Variants in PDE2A observed in about 807,000 individuals in gnomAD.
PDE2A encodes cGMP-dependent 3',5'-cyclic phosphodiesterase.
PDE2A carries 53 observed loss-of-function variants against 133.6 expected under a neutral mutation model. That is an observed-to-expected ratio of 0.40 (90% CI 0.32 to 0.50). The LOEUF (loss-of-function observed/expected upper bound fraction) is 0.50, where lower values mean the gene tolerates loss of function less well. PDE2A is among the 20% of genes least tolerant of loss of function. PDE2A has a pLI of 0.73. For missense variants in PDE2A, 796 were observed against 1,232.4 expected (o/e 0.65, Z 5.30); for synonymous variants, 491 against 490.2 (o/e 1.00, Z -0.02).
intron 1 of PDE2A, among the ~76,000 whole-genome samples, chr11:72,664,363 G>GTTTTTTTTT (rs1565198393): frequency 7.6e-5 from 7 of 92,324 alleles, no homozygotes; most frequent in African/African-American, 1.3e-4. Flanking sequence ...CCCCTTGAAG[G>GTTTTTTTTT]ATTTTTTTTT....
At chr11:72,654,291 C>T (rs889074424) in intron 1 of PDE2A, among the ~76,000 whole-genome samples, 3 of 152,152 alleles carry the variant, frequency 2.0e-5, no homozygotes, top group African/African-American at 4.8e-5. Context: ...AGGCACTTGA[C>T]GGGCAACATC....
intron 2 of PDE2A, among the ~76,000 whole-genome samples, chr11:72,626,652 G>A (rs1026000123): frequency 1.3e-5 from 2 of 152,076 alleles, no homozygotes; most frequent in Non-Finnish European, 2.9e-5. Context: ...CCACACTCTC[G>A]CACAAGCTGC....
At chr11:72,664,363 G>GCTTTTTTT (rs1565198393) in intron 1 of PDE2A, among the ~76,000 whole-genome samples, 1 of 92,336 alleles carries the variant, frequency 1.1e-5, no homozygotes, top group Non-Finnish European at 2.2e-5. Context: ...CCCCTTGAAG[G>GCTTTTTTT]ATTTTTTTTT....
rs566999916 is a variant in PDE2A, at chr11:72,582,655, G to A, written c.1729-89C>T. ...AATTCCCATGGCAGGTGGGGGATCC[G>A]TCACCCAGAATGTACCACAGTTGGG... is the stretch of plus-strand genomic sequence containing the variant. On this transcript the variant is annotated intron_variant, in intron 20 of 30. Coordinates refer to ENST00000334456, the MANE Select transcript of PDE2A (RefSeq NM_002599.5). 992 of 1,330,334 alleles carry A rather than the reference G, an allele frequency of 7.5e-4. 2 individuals carry two copies. The highest frequency in any genetic ancestry group is 9.3e-4 in the Non-Finnish European group (897 of 961,700). The allele number at this position is 1,330,334 out of a possible 1,614,324, so 82.4% of individuals were successfully genotyped here. A position where few individuals can be genotyped will look rare whatever the true frequency, so the allele number is the denominator to read the frequency against.
chr11:72,665,510 C>T (rs566025579), intron 1 of PDE2A, among the ~76,000 whole-genome samples: 9 of 152,240 alleles, frequency 5.9e-5, no homozygotes, highest in Non-Finnish European at 1.0e-4. Flanking sequence ...AACCTTGCAC[C>T]TTCCACTGCC....
intron 2 of PDE2A, among the ~76,000 whole-genome samples, chr11:72,626,237 A>C (rs1393345305): frequency 6.6e-6 from 1 of 152,212 alleles, no homozygotes; most frequent in Non-Finnish European, 1.5e-5. Context: ...CTCTTTACTC[A>C]GTCAGCCAGG....
At position 72,631,172 on chromosome 11, in the gene PDE2A, G is replaced by A. The variant is rs768673310; in HGVS notation, c.144+11082C>T. The A allele has an allele frequency of 2.9e-5, 43 of 1,504,464 alleles. No individual in the cohort carries two copies. The Middle Eastern group carries it at 5.2e-4, about 18-fold the overall frequency. 93.2% of individuals were successfully genotyped at this position (1,504,464 alleles called of 1,614,324 possible). On this transcript the variant is annotated intron_variant, in intron 2 of 30. Coordinates refer to ENST00000334456, the MANE Select transcript of PDE2A (RefSeq NM_002599.5). Reference sequence around the variant, plus strand: ...GACAAGAAGGTCAGGGGCTGAGGCCGGCCAGGCCTTCTCCCCTTCTCCCCA... The same window carrying A: ...GACAAGAAGGTCAGGGGCTGAGGCCAGCCAGGCCTTCTCCCCTTCTCCCCA...
intron 1 of PDE2A, among the ~76,000 whole-genome samples, chr11:72,655,970 C>T (rs762806830): frequency 9.2e-5 from 14 of 152,186 alleles, no homozygotes; most frequent in Non-Finnish European, 1.6e-4. Flanking sequence ...AACAAAATCA[C>T]CTGTGCTGGG....
chr11:72,582,409 C>T lies in PDE2A; in HGVS notation c.1851+35G>A, dbSNP rs374509523. On this transcript the variant is annotated intron_variant, in intron 21 of 30. Coordinates refer to ENST00000334456, the MANE Select transcript of PDE2A (RefSeq NM_002599.5). ...ACTTAAGCCTCTGGCTACATACCTT[C>T]GGCCTGGCCAGTCAAGTGGAGGAGA... 259 of 1,603,582 alleles carry T rather than the reference C, an allele frequency of 1.6e-4. 1 individual carries two copies. The highest frequency in any genetic ancestry group is 1.5e-3 in the Middle Eastern group (9 of 5,910).
chr11:72,661,252 C>T (rs2135458175), intron 1 of PDE2A, among the ~76,000 whole-genome samples: 1 of 152,124 alleles, frequency 6.6e-6, no homozygotes, highest in Non-Finnish European at 1.5e-5. Flanking sequence ...TTGCAGTGGG[C>T]CAGGATAGCG....
chr11:72,666,584 T>C (rs1481938627), intron 1 of PDE2A, among the ~76,000 whole-genome samples: 2 of 152,066 alleles, frequency 1.3e-5, no homozygotes, highest in African/African-American at 2.4e-5. Context: ...AAGTATTGAA[T>C]AGCCAGACAT....
At position 72,642,241 on chromosome 11, in the gene PDE2A, G is replaced by T; in HGVS notation, c.144+13C>A. ...CCCCGTTCTCCTGGTGCCCAGCGCG[G>T]GGGCCCCCCTACCTGCAGGCTGTCG... On this transcript the variant is annotated intron_variant, in intron 2 of 30. Transcript: ENST00000334456. The T allele has an allele frequency of 6.7e-7, 1 of 1,503,538 alleles. No individual in the cohort carries two copies. The highest frequency in any genetic ancestry group is 2.6e-5 in the East Asian group (1 of 38,198). 93.1% of individuals were successfully genotyped at this position (1,503,538 alleles called of 1,614,324 possible).
intron 1 of PDE2A, among the ~76,000 whole-genome samples, chr11:72,667,395 C>T (rs575985816): frequency 6.6e-6 from 1 of 152,286 alleles, no homozygotes; most frequent in East Asian, 1.9e-4. Flanking sequence ...GAGAAAATTT[C>T]CTCTGGCTTA....
chr11:72,662,673 A>AG (rs1855101804), intron 1 of PDE2A, among the ~76,000 whole-genome samples: 1 of 152,144 alleles, frequency 6.6e-6, no homozygotes, highest in Admixed American at 6.5e-5. Flanking sequence ...GCAGACACTG[A>AG]GGAACTAGGG....
At chr11:72,594,946 G>A (rs752355099) in intron 6 of PDE2A, among the ~76,000 whole-genome samples, 52 of 151,986 alleles carry the variant, frequency 3.4e-4, no homozygotes, top group Non-Finnish European at 6.3e-4. Flanking sequence ...AGGCAGAGTC[G>A]GCTCCAGCAC....
chr11:72,667,135 A>G (rs1453824157), intron 1 of PDE2A, among the ~76,000 whole-genome samples: 2 of 152,156 alleles, frequency 1.3e-5, no homozygotes, highest in Non-Finnish European at 2.9e-5. Flanking sequence ...GGACACTCAC[A>G]TGCTCACACA....
At chr11:72,613,479 G>A (rs745975884) in intron 2 of PDE2A, among the ~76,000 whole-genome samples, 14 of 151,468 alleles carry the variant, frequency 9.2e-5, no homozygotes, top group Admixed American at 7.9e-4. Context: ...CCTTCCTTTC[G>A]GGTGGACCTC....
At chr11:72,642,620 G>T (rs913502513) in intron 1 of PDE2A, among the ~76,000 whole-genome samples, 1 of 151,924 alleles carries the variant, frequency 6.6e-6, no homozygotes, top group African/African-American at 2.4e-5. Flanking sequence ...CTCGCCCTGG[G>T]TTCCCTCGGC....
intron 1 of PDE2A, among the ~76,000 whole-genome samples, chr11:72,647,162 A>G (rs1235101671): frequency 2.0e-5 from 3 of 152,222 alleles, no homozygotes; most frequent in Non-Finnish European, 4.4e-5. Context: ...GCAGATCTCC[A>G]TAGACTGTAA....
Sources: gnomAD v4.1 joint callset for allele counts (sites outside exome capture counted in the v4.1 genomes callset) on GRCh38, gnomAD v4.1.1 for gene constraint, MANE v1.5 for transcripts, NCBI Gene and HGNC (gene_info 2026-07-23, HGNC 2026-07-21) for gene names.